The following SEPHS1 variants were observed in gnomAD, a reference collection of about 807,000 sequenced individuals.
SEPHS1 encodes zincore component SEPHS1.
In SEPHS1, 7 loss-of-function variants were observed where a neutral mutation model predicts 39.2. The ratio of observed to expected loss-of-function variants is 0.18; its 90% confidence interval spans 0.10 to 0.34. The LOEUF (loss-of-function observed/expected upper bound fraction) is 0.34, where lower values mean the gene tolerates loss of function less well. Ranked by LOEUF, SEPHS1 falls within the 10% of genes least tolerant of loss-of-function variation. The probability of loss-of-function intolerance (pLI) is 1.00; values close to 1 mark genes in which losing one functional copy is unlikely to be tolerated. For missense variants in SEPHS1, 253 were observed against 514.5 expected (o/e 0.49, Z 4.92); for synonymous variants, 190 against 195.5 (o/e 0.97, Z 0.23).
At chr10:13,320,993 C>A (rs1054932550) in intron 8 of SEPHS1, among the ~76,000 whole-genome samples, 2 of 152,320 alleles carry the variant, frequency 1.3e-5, no homozygotes, top group East Asian at 3.9e-4. Context: ...TTGGAGCTTA[C>A]TTCTAGAAAA....
intron 3 of SEPHS1, among the ~76,000 whole-genome samples, chr10:13,337,119 C>CTG (rs1833659889): frequency 2.0e-5 from 3 of 151,772 alleles, no homozygotes; most frequent in Non-Finnish European, 4.4e-5. Flanking sequence ...CCACTGCACT[C>CTG]TAGCCTGGGC....
intron 3 of SEPHS1, among the ~76,000 whole-genome samples, chr10:13,336,761 T>C (rs1172360809): frequency 6.6e-6 from 1 of 151,602 alleles, no homozygotes; most frequent in Non-Finnish European, 1.5e-5. Flanking sequence ...TAAAGAAAAG[T>C]TGGAAACAGC....
chr10:13,345,819 G>A (rs1002474574), intron 1 of SEPHS1, among the ~76,000 whole-genome samples: 4 of 152,252 alleles, frequency 2.6e-5, no homozygotes, highest in African/African-American at 9.6e-5. Context: ...GGAGGTTGCA[G>A]TGAGCCGAGA....
intron 2 of SEPHS1, among the ~76,000 whole-genome samples, chr10:13,343,010 C>T (rs904691539): frequency 2.0e-5 from 3 of 152,144 alleles, no homozygotes; most frequent in Admixed American, 2.0e-4. Context: ...GCTGGGATTA[C>T]AGGTGTGAGC....
At position 13,348,238 on chromosome 10, in the gene SEPHS1, T is replaced by G. The variant is rs1402116558; in HGVS notation, c.-317A>C. ...CGCCGGCTGGGCGCGCGGGGGTCCT[T>G]TAAGGCCGGCCACCTCCCTTTAAGA... On this transcript the variant is annotated 5_prime_UTR_variant, in exon 1 of 9. Transcript: ENST00000327347. 2 of 146,234 alleles carry G rather than the reference T, an allele frequency of 1.4e-5. No homozygotes were observed. The highest frequency in any genetic ancestry group is 3.0e-5 in the Non-Finnish European group (2 of 66,226). 9.1% of individuals were successfully genotyped at this position (146,234 alleles called of 1,614,324 possible).
rs1328771269 is a variant in SEPHS1, at chr10:13,318,059, C to T, written c.*1083G>A. 2 of 152,110 alleles carry T rather than the reference C, an allele frequency of 1.3e-5. No homozygotes were observed. Among genetic ancestry groups the T allele is most frequent in the Admixed American group, 6.5e-5 (1 of 15,268 alleles). The allele number at this position is 152,110 out of a possible 1,614,324, so 9.4% of individuals were successfully genotyped here. On this transcript the variant is annotated 3_prime_UTR_variant, in exon 9 of 9. Transcript: ENST00000327347. Reference sequence around the variant, plus strand: ...GCTTCTAAAATAATACTAAAAGGGGCATCTGATTATACAAGAGCAATTTAA... The same window carrying T: ...GCTTCTAAAATAATACTAAAAGGGGTATCTGATTATACAAGAGCAATTTAA...
chr10:13,343,892 A>C (rs982970205), intron 2 of SEPHS1, among the ~76,000 whole-genome samples: 10 of 152,200 alleles, frequency 6.6e-5, no homozygotes, highest in Non-Finnish European at 1.5e-4. Context: ...CGTCGAACAC[A>C]AGAAAAGTGA....
At chr10:13,342,645 C>G (rs1833825744) in intron 2 of SEPHS1, among the ~76,000 whole-genome samples, 1 of 152,056 alleles carries the variant, frequency 6.6e-6, no homozygotes, top group Non-Finnish European at 1.5e-5. Context: ...TACTTGTGTA[C>G]AGAGGGTATA....
chr10:13,328,982 T>C (rs1345784935), intron 6 of SEPHS1, among the ~76,000 whole-genome samples: 1 of 152,222 alleles, frequency 6.6e-6, no homozygotes, highest in African/African-American at 2.4e-5. Flanking sequence ...ATATACCAGG[T>C]TGATGAAAGA....
intron 8 of SEPHS1, among the ~76,000 whole-genome samples, chr10:13,322,590 T>C (rs72781399): frequency 2.0e-5 from 3 of 152,152 alleles, no homozygotes; most frequent in Admixed American, 2.0e-4. Context: ...ATTTCCCCCA[T>C]CACCATATCC....
At chr10:13,346,829 C>G (rs544484619) in intron 1 of SEPHS1, among the ~76,000 whole-genome samples, 1 of 152,214 alleles carries the variant, frequency 6.6e-6, no homozygotes, top group Admixed American at 6.5e-5. Context: ...AATTGTGTGG[C>G]TATCACTTCC....
intron 4 of SEPHS1, among the ~76,000 whole-genome samples, chr10:13,334,434 G>C (rs1301778413): frequency 6.6e-6 from 1 of 152,192 alleles, no homozygotes; most frequent in East Asian, 1.9e-4. Context: ...CCAGCTACTT[G>C]GGAGGCTGAG....
chr10:13,343,772 C>T (rs571923265), intron 2 of SEPHS1, among the ~76,000 whole-genome samples: 1 of 152,182 alleles, frequency 6.6e-6, no homozygotes, highest in African/African-American at 2.4e-5. Flanking sequence ...CAAGATCACG[C>T]CACTGCACTC....
At chr10:13,346,775 C>A (rs546803390) in intron 1 of SEPHS1, among the ~76,000 whole-genome samples, 1 of 152,196 alleles carries the variant, frequency 6.6e-6, no homozygotes, top group African/African-American at 2.4e-5. Flanking sequence ...ATTTTCCTAC[C>A]TCCTATCTAT....
intron 7 of SEPHS1, among the ~76,000 whole-genome samples, chr10:13,327,288 T>C (rs1057106242): frequency 7.6e-6 from 1 of 131,616 alleles, no homozygotes; most frequent in Non-Finnish European, 1.6e-5. Flanking sequence ...ATACATAATA[T>C]GGGAAACATT....
intron 7 of SEPHS1, among the ~76,000 whole-genome samples, chr10:13,326,502 A>G (rs1833296845): frequency 6.6e-6 from 1 of 151,744 alleles, no homozygotes; most frequent in African/African-American, 2.4e-5. Flanking sequence ...AGTTGACTAT[A>G]ATATGGACCT....
At chr10:13,321,999 C>G in intron 8 of SEPHS1, 2 of 451,570 alleles carry the variant, frequency 4.4e-6, no homozygotes, top group Non-Finnish European at 4.4e-6. Context: ...ATGGCTCTCT[C>G]TACCTACGCT....
intron 2 of SEPHS1, among the ~76,000 whole-genome samples, chr10:13,344,308 A>C (rs1000733022): frequency 1.3e-5 from 2 of 152,350 alleles, no homozygotes; most frequent in Middle Eastern, 3.4e-3. Flanking sequence ...ATTTCTGCTT[A>C]ATCTTCAGCT....
chr10:13,318,419 A>G lies in SEPHS1; in HGVS notation c.*723T>C, dbSNP rs938859304. On this transcript the variant is annotated 3_prime_UTR_variant, in exon 9 of 9. Coordinates refer to ENST00000327347, the MANE Select transcript of SEPHS1 (RefSeq NM_012247.5). Reference sequence around the variant, plus strand: ...AAGGCAATTCCTTGTAGCACTATAGAACATCTAATAACATTGCAAAAAGTA... The same window carrying G: ...AAGGCAATTCCTTGTAGCACTATAGGACATCTAATAACATTGCAAAAAGTA... 1 of 152,662 alleles carries G rather than the reference A, an allele frequency of 6.6e-6. No homozygotes were observed. Among genetic ancestry groups the G allele is most frequent in the Non-Finnish European group, 1.5e-5 (1 of 68,054 alleles). 9.5% of individuals were successfully genotyped at this position (152,662 alleles called of 1,614,324 possible). A position where few individuals can be genotyped will look rare whatever the true frequency, so the allele number is the denominator to read the frequency against.
Sources: allele counts gnomAD v4.1 joint callset (sites outside exome capture counted in the v4.1 genomes callset), GRCh38; gene constraint gnomAD v4.1.1; transcripts MANE v1.5; gene names NCBI Gene and HGNC (gene_info 2026-07-23, HGNC 2026-07-21).